The following ARHGAP10 variants were observed in gnomAD, a reference collection of about 807,000 sequenced individuals.
ARHGAP10 encodes rho GTPase-activating protein 10.
Under a neutral mutation model 108.6 loss-of-function variants are expected in ARHGAP10, and 87 were observed. That is an observed-to-expected ratio of 0.80 (90% CI 0.67 to 0.96). The LOEUF (loss-of-function observed/expected upper bound fraction) is 0.96. Ranked by LOEUF, ARHGAP10 falls within the 40% of genes least tolerant of loss-of-function variation. The pLI, the probability that ARHGAP10 is intolerant of heterozygous loss-of-function variation, is 0.00. For missense variants in ARHGAP10, 939 were observed against 954.5 expected, an observed-to-expected ratio of 0.98 and a Z score of 0.21; for synonymous variants, 347 against 341.1, an observed-to-expected ratio of 1.02 and a Z score of -0.19.
At chr4:147,891,643 A>G (rs1045041118) in intron 10 of ARHGAP10, among the ~76,000 whole-genome samples, 2 of 152,238 alleles carry the variant, frequency 1.3e-5, no homozygotes, top group African/African-American at 4.8e-5. Context: ...ATTTTAAACA[A>G]TGGAACACAG....
At chr4:147,957,181 GA>G (rs1553966001) in intron 16 of ARHGAP10, among the ~76,000 whole-genome samples, 1 of 152,162 alleles carries the variant, frequency 6.6e-6, no homozygotes, top group Non-Finnish European at 1.5e-5. Context: ...CATTGGCATG[GA>G]TTTGCACCTA....
intron 1 of ARHGAP10, among the ~76,000 whole-genome samples, chr4:147,810,836 CA>C (rs1215862909): frequency 6.6e-6 from 1 of 152,192 alleles, no homozygotes; most frequent in Admixed American, 6.5e-5. Context: ...GCCATCATGA[CA>C]GGGTCTGTCA....
chr4:147,741,684 T>C (rs1378511478), intron 1 of ARHGAP10, among the ~76,000 whole-genome samples: 1 of 151,932 alleles, frequency 6.6e-6, no homozygotes, highest in Non-Finnish European at 1.5e-5. Flanking sequence ...TATTGTTCTC[T>C]TTATAAACAC....
At chr4:147,839,142 ATCTGTCTG>A (rs66465708) in intron 3 of ARHGAP10, among the ~76,000 whole-genome samples, 52 of 117,852 alleles carry the variant, frequency 4.4e-4, no homozygotes, top group African/African-American at 1.5e-3. Flanking sequence ...CTATCTATCT[ATCTGTCTG>A]TCTGTCTATG....
At chr4:147,949,149 G>A (rs774145824) in intron 15 of ARHGAP10, among the ~76,000 whole-genome samples, 14 of 152,128 alleles carry the variant, frequency 9.2e-5, no homozygotes, top group Non-Finnish European at 1.8e-4. Flanking sequence ...TAAAGAAGAT[G>A]TTTTCAGCCA....
chr4:147,833,047 G>A (rs1733017169), intron 3 of ARHGAP10, among the ~76,000 whole-genome samples: 1 of 152,204 alleles, frequency 6.6e-6, no homozygotes, highest in Non-Finnish European at 1.5e-5. Flanking sequence ...CAAAGAGTGG[G>A]TGCCTGCCAT....
At chr4:147,760,425 G>A (rs1393417113) in intron 1 of ARHGAP10, among the ~76,000 whole-genome samples, 2 of 152,168 alleles carry the variant, frequency 1.3e-5, no homozygotes, top group Non-Finnish European at 2.9e-5. Flanking sequence ...GAATCCAGCA[G>A]CTCCCGTGAG....
chr4:147,771,447 TTTG>T (rs892519090), intron 1 of ARHGAP10, among the ~76,000 whole-genome samples: 2 of 152,006 alleles, frequency 1.3e-5, no homozygotes, highest in African/African-American at 2.4e-5. Context: ...CTGAGGCATT[TTTG>T]TTGTTGTTCT....
intron 9 of ARHGAP10, among the ~76,000 whole-genome samples, chr4:147,880,927 A>T (rs1403618068): frequency 6.6e-6 from 1 of 152,200 alleles, no homozygotes; most frequent in African/African-American, 2.4e-5. Flanking sequence ...GAGTACAATA[A>T]GAGACTAACA....
intron 1 of ARHGAP10, among the ~76,000 whole-genome samples, chr4:147,795,374 C>T (rs1731274907): frequency 6.6e-6 from 1 of 152,132 alleles, no homozygotes; most frequent in Admixed American, 6.5e-5. Context: ...CTTTTTCCTA[C>T]AAAACTTCCT....
At chr4:147,990,139 C>T (rs1000335264) in intron 18 of ARHGAP10, among the ~76,000 whole-genome samples, 1 of 152,200 alleles carries the variant, frequency 6.6e-6, no homozygotes, top group African/African-American at 2.4e-5. Flanking sequence ...CCCCGTCCTT[C>T]AGGTCAGGTC....
At chr4:147,972,102 T>C (rs1282212711) in intron 18 of ARHGAP10, among the ~76,000 whole-genome samples, 1 of 152,172 alleles carries the variant, frequency 6.6e-6, no homozygotes, top group Non-Finnish European at 1.5e-5. Flanking sequence ...ATTGTAGTTA[T>C]CTGTTCAAGA....
chr4:147,782,905 T>C (rs1324927381), intron 1 of ARHGAP10, among the ~76,000 whole-genome samples: 8 of 143,162 alleles, frequency 5.6e-5, no homozygotes, highest in Non-Finnish European at 1.2e-4. Context: ...TTACGTATTA[T>C]ATATAATATA....
At chr4:147,862,523 C>G (rs1481978264) in intron 5 of ARHGAP10, 3 of 152,362 alleles carry the variant, frequency 2.0e-5, no homozygotes, top group Admixed American at 6.5e-5. Context: ...CCTGGCTGCA[C>G]TTTGCCCTCT....
At chr4:147,793,816 C>T (rs1731214779) in intron 1 of ARHGAP10, among the ~76,000 whole-genome samples, 1 of 152,152 alleles carries the variant, frequency 6.6e-6, no homozygotes, top group Admixed American at 6.5e-5. Context: ...GACCTTTGTA[C>T]ATTGATACGT....
chr4:148,072,118 A>C lies in ARHGAP10; in HGVS notation c.*37A>C, dbSNP rs775733378. The C allele has an allele frequency of 5.7e-6, 9 of 1,581,786 alleles. No individual in the cohort carries two copies. The highest frequency in any genetic ancestry group is 7.8e-6 in the Non-Finnish European group (9 of 1,160,358). On this transcript the variant is annotated 3_prime_UTR_variant, in exon 23 of 23. Transcript: ENST00000336498. The stretch of plus-strand genomic sequence containing the variant: ...AGAGCCCCTGCTGACCCTGGCACCC[A>C]GGGACCTGCCTGGGGGCAGAGAGCT...
intron 18 of ARHGAP10, among the ~76,000 whole-genome samples, chr4:147,990,979 C>T (rs1740251433): frequency 6.6e-6 from 1 of 151,924 alleles, no homozygotes; most frequent in Non-Finnish European, 1.5e-5. Flanking sequence ...TCACACCATA[C>T]ACTGCAGCCT....
intron 3 of ARHGAP10, among the ~76,000 whole-genome samples, chr4:147,843,938 G>A (rs141805733): frequency 0.013 from 1,952 of 152,028 alleles, 19 homozygotes; most frequent in Non-Finnish European, 0.018. Context: ...TTTTTCTACC[G>A]TCCTACCTCT....
intron 14 of ARHGAP10, among the ~76,000 whole-genome samples, chr4:147,944,224 T>C (rs1738283000): frequency 6.6e-6 from 1 of 152,222 alleles, no homozygotes; most frequent in Non-Finnish European, 1.5e-5. Context: ...GCACCTTTAA[T>C]CAGGGGGCTT....
Sources: gnomAD v4.1 joint callset for allele counts (sites outside exome capture counted in the v4.1 genomes callset) on GRCh38, gnomAD v4.1.1 for gene constraint, MANE v1.5 for transcripts, NCBI Gene and HGNC (gene_info 2026-07-23, HGNC 2026-07-21) for gene names.